Variants in ESRRG observed in about 807,000 individuals in gnomAD.
ESRRG encodes estrogen related receptor gamma, also known as estrogen-related receptor gamma.
In ESRRG, 13 loss-of-function variants were observed where a neutral mutation model predicts 44.0. The ratio of observed to expected loss-of-function variants is 0.30; its 90% CI spans 0.19 to 0.47. The LOEUF is 0.47. Ranked by LOEUF, ESRRG falls within the 20% of genes least tolerant of loss-of-function variation. The probability of loss-of-function intolerance (pLI) is 1.00; values close to 1 mark genes in which losing one functional copy is unlikely to be tolerated. For synonymous variants in ESRRG, 215 were observed against 214.6 expected (o/e 1.00, Z -0.02); for missense variants, 395 against 580.6 (o/e 0.68, Z 3.29).
intron 1 of ESRRG, among the ~76,000 whole-genome samples, chr1:217,043,402 T>C (rs770605998): frequency 6.6e-6 from 1 of 152,212 alleles, no homozygotes; most frequent in South Asian, 2.1e-4. Context: ...AAAGTTTGTG[T>C]CATTTTCAAA....
intron 3 of ESRRG, among the ~76,000 whole-genome samples, chr1:216,581,075 A>G (rs1416840448): frequency 2.6e-5 from 4 of 152,222 alleles, no homozygotes; most frequent in African/African-American, 9.6e-5. Flanking sequence ...AATTTACAAC[A>G]TATAGACAAA....
chr1:216,876,191 T>A (rs2096349376), intron 2 of ESRRG, among the ~76,000 whole-genome samples: 1 of 118,080 alleles, frequency 8.5e-6, no homozygotes, highest in African/African-American at 4.9e-5. Flanking sequence ...AAAATATTAT[T>A]TTCTGATAAG....
chr1:217,105,762 T>A (rs560518830), intron 1 of ESRRG, among the ~76,000 whole-genome samples: 1 of 152,282 alleles, frequency 6.6e-6, no homozygotes, highest in South Asian at 2.1e-4. Flanking sequence ...ACCTGCCCCA[T>A]TCTAGTAGCC....
chr1:216,815,569 A>G (rs1490707218), intron 2 of ESRRG, among the ~76,000 whole-genome samples: 1 of 152,146 alleles, frequency 6.6e-6, no homozygotes, highest in East Asian at 1.9e-4. Flanking sequence ...CCTGGGAAAA[A>G]GACCACCCGG....
intron 1 of ESRRG, among the ~76,000 whole-genome samples, chr1:216,963,492 A>G (rs1173017807): frequency 2.0e-5 from 3 of 152,130 alleles, no homozygotes; most frequent in African/African-American, 7.2e-5. Context: ...TGAGGTCCTG[A>G]GGAATCTAAC....
chr1:216,759,088 C>T (rs772155999), intron 2 of ESRRG, among the ~76,000 whole-genome samples: 12 of 152,042 alleles, frequency 7.9e-5, no homozygotes, highest in Non-Finnish European at 1.5e-4. Context: ...TTAAAACTGG[C>T]CATCACACCA....
At chr1:216,556,496 T>C (rs1220524233) in intron 5 of ESRRG, among the ~76,000 whole-genome samples, 1 of 152,194 alleles carries the variant, frequency 6.6e-6, no homozygotes, top group Non-Finnish European at 1.5e-5. Context: ...TCTTTCTGTG[T>C]GTAAAATAAT....
At chr1:216,758,929 CT>C (rs980846414) in intron 2 of ESRRG, among the ~76,000 whole-genome samples, 4 of 151,838 alleles carry the variant, frequency 2.6e-5, no homozygotes, top group African/African-American at 9.7e-5. Context: ...CAAATAACCC[CT>C]AAGAAGGTAT....
At chr1:217,031,739 G>A (rs1010430147) in intron 1 of ESRRG, among the ~76,000 whole-genome samples, 4 of 152,272 alleles carry the variant, frequency 2.6e-5, no homozygotes, top group Middle Eastern at 3.4e-3. Flanking sequence ...CCATTCTCAC[G>A]ATGATAAGTT....
chr1:216,877,831 T>G (rs968304932), intron 2 of ESRRG, among the ~76,000 whole-genome samples: 2 of 152,340 alleles, frequency 1.3e-5, no homozygotes, highest in African/African-American at 4.8e-5. Flanking sequence ...ACATTTGCTA[T>G]GTACACACCT....
At chr1:216,680,564 G>A (rs1350811464) in intron 1 of ESRRG, among the ~76,000 whole-genome samples, 2 of 152,190 alleles carry the variant, frequency 1.3e-5, no homozygotes, top group South Asian at 2.1e-4. Flanking sequence ...GGGCCACTGC[G>A]CTGGTTGGCT....
At chr1:216,877,797 G>T (rs2096381412) in intron 2 of ESRRG, among the ~76,000 whole-genome samples, 1 of 151,980 alleles carries the variant, frequency 6.6e-6, no homozygotes, top group Non-Finnish European at 1.5e-5. Flanking sequence ...TTTTCATTCA[G>T]CACTATGCTT....
intron 5 of ESRRG, among the ~76,000 whole-genome samples, chr1:216,561,704 A>AT (rs11338029): frequency 0.087 from 13,182 of 151,426 alleles, 1,914 homozygotes; most frequent in African/African-American, 0.3. Context: ...GTATTATTAA[A>AT]TTTTTTTTTT....
chr1:216,511,807 C>T (rs1305119085), intron 6 of ESRRG, among the ~76,000 whole-genome samples: 1 of 151,974 alleles, frequency 6.6e-6, no homozygotes, highest in Non-Finnish European at 1.5e-5. Context: ...GAAGCCAACC[C>T]GAAGAGGTTC....
At chr1:216,755,959 T>C (rs1196910654) in intron 2 of ESRRG, among the ~76,000 whole-genome samples, 4 of 151,964 alleles carry the variant, frequency 2.6e-5, no homozygotes, top group Non-Finnish European at 5.9e-5. Context: ...CCCTGCACAT[T>C]ACAGGGAATC....
chr1:217,119,092 A>C (rs550096244), intron 1 of ESRRG, among the ~76,000 whole-genome samples: 1 of 152,318 alleles, frequency 6.6e-6, no homozygotes, highest in South Asian at 2.1e-4. Context: ...TCAAGAAAAC[A>C]ATAAAGAATG....
At chr1:216,624,455 A>G (rs1478416824) in intron 3 of ESRRG, among the ~76,000 whole-genome samples, 4 of 152,222 alleles carry the variant, frequency 2.6e-5, no homozygotes, top group Non-Finnish European at 5.9e-5. Flanking sequence ...CTAACTCTAA[A>G]AAAGTGTCAT....
At chr1:216,562,605 G>A (rs2058980232) in intron 5 of ESRRG, among the ~76,000 whole-genome samples, 1 of 152,062 alleles carries the variant, frequency 6.6e-6, no homozygotes, top group African/African-American at 2.4e-5. Flanking sequence ...GAGGCCATGG[G>A]TGCCGCTAAA....
chr1:216,830,370 C>T lies in ESRRG; in HGVS notation c.-14+109212G>A, dbSNP rs1001080969. Among the ~76,000 whole-genome samples the T allele has an allele frequency of 2.0e-5, 3 of 152,118 alleles. No individual in the cohort carries two copies. The East Asian group carries it at 5.8e-4, about 29-fold the overall frequency. ...TGGGGGGTGCTCAGAAACAGTGGCA[C>T]AGAAGAATAATTTATGCCCAAGGCA... On this transcript the variant is annotated intron_variant, in intron 2 of 7. Transcript: ENST00000359162.
Sources: allele counts gnomAD v4.1 joint callset (sites outside exome capture counted in the v4.1 genomes callset), GRCh38; gene constraint gnomAD v4.1.1; transcripts MANE v1.5; gene names NCBI Gene and HGNC (gene_info 2026-07-23, HGNC 2026-07-21).